Variants in SEPTIN2 observed in about 807,000 individuals in gnomAD.
The protein encoded by SEPTIN2 is septin 2, also known as septin-2.
SEPTIN2 carries 34 observed loss-of-function variants against 46.5 expected under a neutral mutation model. The ratio of observed to expected loss-of-function variants is 0.73; its 90% CI spans 0.56 to 0.97. The LOEUF (loss-of-function observed/expected upper bound fraction) is 0.97, where lower values mean the gene tolerates loss of function less well. Among genes scored for constraint, SEPTIN2 ranks in the 50% least tolerant of loss-of-function variants. The pLI, the probability that SEPTIN2 is intolerant of heterozygous loss-of-function variation, is 0.00. For missense variants in SEPTIN2, 347 were observed against 448.4 expected, an observed-to-expected ratio of 0.77 and a Z score of 2.04; for synonymous variants, 175 against 153.4, an observed-to-expected ratio of 1.14 and a Z score of -1.04.
intron 11 of SEPTIN2, among the ~76,000 whole-genome samples, chr2:241,349,427 T>C (rs1349914355): frequency 2.0e-5 from 3 of 151,772 alleles, no homozygotes; most frequent in Non-Finnish European, 4.4e-5. Context: ...ATTTTTATTG[T>C]GAGGCCTTCA....
chr2:241,333,626 C>CAG, intron 3 of SEPTIN2, among the ~76,000 whole-genome samples: 4 of 151,240 alleles, frequency 2.6e-5, no homozygotes, highest in Non-Finnish European at 4.4e-5. Context: ...TCTCCTGCCT[C>CAG]CCGAGTAGCT....
intron 2 of SEPTIN2, 147 bp downstream of exon 2, chr2:241,324,388 CTTTT>C (rs5839771): frequency 0.013 from 5,666 of 444,280 alleles, no homozygotes; most frequent in Middle Eastern, 0.02. Context: ...ATTTAGTTGT[CTTTT>C]TTTTTTTTTT....
At chr2:241,340,940 T>C (rs1040132969) in intron 7 of SEPTIN2, among the ~76,000 whole-genome samples, 1 of 152,166 alleles carries the variant, frequency 6.6e-6, no homozygotes, top group African/African-American at 2.4e-5. Flanking sequence ...ATGATCCTGT[T>C]CACTCAGGCT....
chr2:241,339,080 T>C (rs935057061), intron 7 of SEPTIN2, among the ~76,000 whole-genome samples: 2 of 136,248 alleles, frequency 1.5e-5, no homozygotes, highest in Non-Finnish European at 3.1e-5. Context: ...AAATATAATA[T>C]ACATATATTT....
intron 1 of SEPTIN2, among the ~76,000 whole-genome samples, chr2:241,319,808 G>T (rs1486442596): frequency 6.6e-6 from 1 of 152,078 alleles, no homozygotes; most frequent in Non-Finnish European, 1.5e-5. Context: ...TGTCCAGACT[G>T]GTCTTGAACT....
chr2:241,317,838 G>T (rs938137386), intron 1 of SEPTIN2, among the ~76,000 whole-genome samples: 11 of 152,050 alleles, frequency 7.2e-5, no homozygotes, highest in Admixed American at 3.3e-4. Context: ...GTTATTCTGT[G>T]GAAGAAATAA....
intron 7 of SEPTIN2, among the ~76,000 whole-genome samples, chr2:241,341,293 C>T (rs1047289783): frequency 2.0e-5 from 3 of 152,236 alleles, no homozygotes; most frequent in African/African-American, 4.8e-5. Flanking sequence ...TCCCCTGTCT[C>T]TTTAAATGGT....
At chr2:241,336,145 C>T in intron 5 of SEPTIN2, 47 bp downstream of exon 5, 2 of 1,578,910 alleles carry the variant, frequency 1.3e-6, no homozygotes, top group Non-Finnish European at 1.7e-6. Context: ...ACTTAATATA[C>T]TTCATAAATT....
chr2:241,346,799 G>A (rs768707384), intron 10 of SEPTIN2, among the ~76,000 whole-genome samples: 1 of 151,604 alleles, frequency 6.6e-6, no homozygotes, highest in Non-Finnish European at 1.5e-5. Context: ...GGCTTGTGTC[G>A]AGTTCTCCTT....
chr2:241,316,437 C>G, intron 1 of SEPTIN2: 7 of 1,445,306 alleles, frequency 4.8e-6, no homozygotes, highest in Non-Finnish European at 6.4e-6. Context: ...GAGGACTGGC[C>G]AGCCCCCAAA....
chr2:241,339,008 T>A, intron 7 of SEPTIN2, among the ~76,000 whole-genome samples: 1 of 117,546 alleles, frequency 8.5e-6, no homozygotes. Flanking sequence ...ATATAAATAT[T>A]ATATTTATAC....
rs200565216 is a variant in SEPTIN2 at position 241,350,417 on chromosome 2, C to CT, written c.*29+224dup. Among the ~76,000 whole-genome samples, 87 of 149,764 alleles carry CT rather than the reference C, an allele frequency of 5.8e-4. 1 individual carries two copies. Among genetic ancestry groups the CT allele is most frequent in the South Asian group, 1.5e-3 (7 of 4,750 alleles). ...AAGATTTTTCATATTTTTGTCTCTT[C>CT]TTTTTTTTTTAAATAATTTCAACTT... On this transcript the variant is annotated intron_variant, in intron 12 of 12. Transcript: ENST00000391971.
In SEPTIN2 at chr2:241,343,988, C is replaced by G. The variant is rs183085958; in HGVS notation, c.842+91C>G. ...GTACACTTGGCCCCCAAGATAGTTG[C>G]AGCCAGCAGCTTCATTGCCGCCCTC... On this transcript the variant is annotated intron_variant, in intron 9 of 12. Transcript: ENST00000391971. 1.5e-3 allele frequency: 2,107 copies of G among 1,447,174 alleles called. 30 individuals carry two copies. Among genetic ancestry groups the G allele is most frequent in the Middle Eastern group, 3.5e-4 (2 of 5,652 alleles). The allele number at this position is 1,447,174 out of a possible 1,614,324, so 89.6% of individuals were successfully genotyped here. A position where few individuals can be genotyped will look rare whatever the true frequency, so the allele number is the denominator to read the frequency against.
At chr2:241,344,971 G>A (rs960301696) in intron 9 of SEPTIN2, among the ~76,000 whole-genome samples, 5 of 151,670 alleles carry the variant, frequency 3.3e-5, no homozygotes, top group East Asian at 2.0e-4. Context: ...AAAATTAGCC[G>A]AGTGTGGTGG....
chr2:241,324,159 A>G (rs985283988), intron 1 of SEPTIN2, 57 bp from the exon 2 acceptor site: 6 of 1,518,440 alleles, frequency 4.0e-6, no homozygotes, highest in African/African-American at 1.4e-5. Context: ...ATACGTGCGT[A>G]TACATACATA....
At chr2:241,347,170 C>G (rs1045355787) in intron 10 of SEPTIN2, among the ~76,000 whole-genome samples, 6 of 151,968 alleles carry the variant, frequency 3.9e-5, no homozygotes, top group African/African-American at 1.5e-4. Context: ...TCCTTGAGCC[C>G]AGTAGGTCCA....
Position 241,352,797 on chromosome 2 carries a change from T to C in SEPTIN2, c.*860T>C, listed in dbSNP as rs2060879830. 6.6e-6 allele frequency: 1 copy of C among 152,262 alleles called. No individual in the cohort carries two copies. Among genetic ancestry groups the C allele is most frequent in the Admixed American group, 6.5e-5 (1 of 15,292 alleles). The allele number at this position is 152,262 out of a possible 1,614,324, so 9.4% of individuals were successfully genotyped here. A position where few individuals can be genotyped will look rare whatever the true frequency, so the allele number is the denominator to read the frequency against. ...TACAAAATGAGATTCAGTGAACTAA[T>C]TTGGTTTTTACTCAACCAAATTAAA... On this transcript the variant is annotated 3_prime_UTR_variant, in exon 13 of 13. Transcript: ENST00000391971.
chr2:241,323,942 T>C (rs575704092), intron 1 of SEPTIN2, among the ~76,000 whole-genome samples: 1 of 152,318 alleles, frequency 6.6e-6, no homozygotes, highest in African/African-American at 2.4e-5. Flanking sequence ...TAGTCTAGTT[T>C]TGAATAAAGA....
intron 7 of SEPTIN2, among the ~76,000 whole-genome samples, chr2:241,338,830 A>ATATATATTATATTTATATTATT (rs1559643344): frequency 4.1e-4 from 40 of 98,354 alleles, no homozygotes; most frequent in Non-Finnish European, 5.8e-4. Context: ...TTTATATATA[A>ATATATATTATATTTATATTATT]TATATATAAT....
Sources: allele counts gnomAD v4.1 joint callset (sites outside exome capture counted in the v4.1 genomes callset), GRCh38; gene constraint gnomAD v4.1.1; transcripts MANE v1.5; gene names NCBI Gene and HGNC (gene_info 2026-07-23, HGNC 2026-07-21).